Variants in ATAD3B observed in about 807,000 individuals in gnomAD.
ATAD3B encodes ATPase family AAA domain-containing protein 3B.
A neutral mutation model predicts 70.2 loss-of-function variants in ATAD3B; 59 were observed. The observed-to-expected ratio is 0.84, with a 90% CI of 0.68 to 1.04. ATAD3B has a LOEUF of 1.04. Ranked by LOEUF, ATAD3B falls within the 50% of genes least tolerant of loss-of-function variation. The pLI is 0.00. For synonymous variants in ATAD3B, 423 were observed against 388.6 expected (o/e 1.09, Z -1.04); for missense variants, 961 against 913.4 (o/e 1.05, Z -0.67).
the ATAD3B span, among the ~76,000 whole-genome samples, chr1:1,503,823 G>A: frequency 4.6e-5 from 7 of 152,018 alleles, no homozygotes; most frequent in Non-Finnish European, 1.5e-5. Flanking sequence ...AGGAAACAAG[G>A]GGAGGTGAGA....
rs1570243478 is a variant in ATAD3B, at chr1:1,485,265, C to A, written c.906+94C>A. ...GCCCACGCACACCCTCCCGTCCCTT[C>A]CCTTTCCCCGGATAACAGGCACCCG... On this transcript the variant is annotated intron_variant, in intron 8 of 15. Coordinates refer to ENST00000673477, the MANE Select transcript of ATAD3B (RefSeq NM_031921.6). 5.2e-6 allele frequency: 8 copies of A among 1,529,718 alleles called. No individual in the cohort carries two copies. In the East Asian group the frequency reaches 7.0e-5, roughly 13 times the overall value. 94.8% of individuals were successfully genotyped at this position (1,529,718 alleles called of 1,614,324 possible).
At chr1:1,501,396 A>G (rs1035008705), downstream of ATAD3B, among the ~76,000 whole-genome samples, 3 of 152,056 alleles carry the variant, frequency 2.0e-5, no homozygotes, top group Admixed American at 6.5e-5. Flanking sequence ...CTGGGACTAC[A>G]GGCGCCTGCC....
chr1:1,474,211 T>C (rs1470691362), intron 1 of ATAD3B, among the ~76,000 whole-genome samples: 1 of 151,594 alleles, frequency 6.6e-6, no homozygotes, highest in Non-Finnish European at 1.5e-5. Flanking sequence ...CTTTTTTTTT[T>C]TGACGGAGTC....
At chr1:1,480,791 G>T (rs1639870302) in intron 4 of ATAD3B, 76 bp from the exon 5 acceptor site, 3 of 1,585,262 alleles carry the variant, frequency 1.9e-6, no homozygotes, top group Non-Finnish European at 1.7e-6. Context: ...TCCTGGGGCG[G>T]ACGCAACCTC....
In ATAD3B at chr1:1,490,380, G is replaced by A. The variant is rs1201542212; in HGVS notation, c.1461G>A (p.Leu487=). The A allele has an allele frequency of 6.2e-7, 1 of 1,613,474 alleles. No homozygotes were observed. Among genetic ancestry groups the A allele is most frequent in the Non-Finnish European group, 8.5e-7 (1 of 1,179,672 alleles). The stretch of plus-strand genomic sequence containing the variant: ...AGGAGCGGGAGCGCCTGGTGAGACT[G>A]CATTTTGACAACTGTGTTCTTAAGC... ...QQEERERLVR[L]HFDNCVLKPA... The change falls in exon 14 of 16, where the codon CTG becomes CTA. Residue 487 remains leucine (L), a synonymous_variant. Coordinates refer to ENST00000673477, the MANE Select transcript of ATAD3B (RefSeq NM_031921.6).
In ATAD3B at chr1:1,471,954, C is replaced by T. The variant is rs1175535241; in HGVS notation, c.70C>T (p.Pro24Ser). ...CGCGGGGCCGCCGCCGCCTTTGCCG[C>T]CCGCGCAGCCCGGGGCCGAGGGCGG... Reference protein sequence around the residue: ...EGAGPPPPLPPAQPGAEGGGD... With the variant: ...EGAGPPPPLPSAQPGAEGGGD... The change falls in exon 1 of 16, where the codon CCC becomes TCC. Residue 24 changes from proline (P) to serine (S), a missense_variant. Physicochemically the swap from Pro to Ser is moderately conservative, Grantham distance 74. Around this residue, in one of 4 missense-constraint regions of ATAD3B, gnomAD observed 187 missense variants for 244.3 expected, o/e 0.77. Coordinates refer to ENST00000673477, the MANE Select transcript of ATAD3B (RefSeq NM_031921.6). 3.2e-6 allele frequency: 4 copies of T among 1,238,754 alleles called. No homozygotes were observed. The highest frequency in any genetic ancestry group is 8.6e-5 in the Admixed American group (2 of 23,238). 76.7% of individuals were successfully genotyped at this position (1,238,754 alleles called of 1,614,324 possible).
Position 1,496,208 on chromosome 1 carries a change from G to T in ATAD3B, c.*391G>T. ...AAAGTCCCACAGGTGCCTCACCGCC[G>T]TGTCTCTCTATTGACTGACACTGCT... On this transcript the variant is annotated 3_prime_UTR_variant, in exon 16 of 16. Coordinates refer to ENST00000673477, the MANE Select transcript of ATAD3B (RefSeq NM_031921.6). 3.0e-6 allele frequency: 3 copies of T among 1,014,214 alleles called. No homozygotes were observed. The highest frequency in any genetic ancestry group is 3.5e-6 in the Non-Finnish European group (3 of 848,402). 62.8% of individuals were successfully genotyped at this position (1,014,214 alleles called of 1,614,324 possible).
chr1:1,480,981 G>T (rs763460411), intron 5 of ATAD3B, 45 bp downstream of exon 5: 1 of 1,580,940 alleles, frequency 6.3e-7, no homozygotes, highest in Non-Finnish European at 8.6e-7. Context: ...GGCGGGGGCT[G>T]CTTGTGGATC....
chr1:1,485,411 G>A (rs1239557872), intron 8 of ATAD3B, among the ~76,000 whole-genome samples: 1 of 152,042 alleles, frequency 6.6e-6, no homozygotes, highest in Admixed American at 6.6e-5. Flanking sequence ...GGGCCTGGGA[G>A]CACATCGGGG....
rs559888368 is a variant in ATAD3B at position 1,475,144 on chromosome 1, C to G, written c.206-2130C>G. On this transcript the variant is annotated intron_variant, in intron 1 of 15. Transcript: ENST00000673477. The stretch of plus-strand genomic sequence containing the variant: ...GCTCCTGACCCGCAGTCCGCTCTGC[C>G]GGCGTTGCCAGTGCCTTGGTCTGCC... Among the ~76,000 whole-genome samples, 37 of 149,244 alleles carry G rather than the reference C, an allele frequency of 2.5e-4. No homozygotes were observed. The South Asian group carries it at 6.2e-3, about 25-fold the overall frequency.
intron 6 of ATAD3B, 87 bp from the exon 7 acceptor site, chr1:1,482,458 C>T: frequency 6.2e-7 from 1 of 1,607,780 alleles, no homozygotes; most frequent in Non-Finnish European, 8.5e-7. Context: ...GCCGTGCCGC[C>T]ATGTCAGGGC....
At chr1:1,482,779 TTGAGC>T (rs1383986254) in intron 7 of ATAD3B, 165 bp downstream of exon 7, 1 of 1,144,708 alleles carries the variant, frequency 8.7e-7, no homozygotes, top group Non-Finnish European at 1.3e-6. Context: ...TCCTCCCTCC[TTGAGC>T]TGGGAGAAAA....
intron 1 of ATAD3B, among the ~76,000 whole-genome samples, chr1:1,475,144 C>T (rs559888368): frequency 4.0e-5 from 6 of 149,244 alleles, no homozygotes; most frequent in African/African-American, 1.0e-4. Flanking sequence ...TCCGCTCTGC[C>T]GGCGTTGCCA....
At position 1,495,921 on chromosome 1, in the gene ATAD3B, A is replaced by G; in HGVS notation, c.*104A>G. 1 of 1,433,360 alleles carries G rather than the reference A, an allele frequency of 7.0e-7. No individual in the cohort carries two copies. Among genetic ancestry groups the G allele is most frequent in the Non-Finnish European group, 9.1e-7 (1 of 1,097,064 alleles). 88.8% of individuals were successfully genotyped at this position (1,433,360 alleles called of 1,614,324 possible). On this transcript the variant is annotated 3_prime_UTR_variant, in exon 16 of 16. Transcript: ENST00000673477. ...GGGGGAGGGTGAGGCTTTGTACCCC[A>G]GCCCCTGCCCAGGCCACTGTGAGGG...
chr1:1,504,949 T>TGTGCGC, the ATAD3B span, among the ~76,000 whole-genome samples: 1 of 150,690 alleles, frequency 6.6e-6, no homozygotes, highest in South Asian at 2.1e-4. Context: ...TGTGTGTGTG[T>TGTGCGC]GCGCGCCAGG....
chr1:1,485,796 C>T lies in ATAD3B; in HGVS notation c.921C>T (p.Leu307=), dbSNP rs775711044. The T allele has an allele frequency of 8.1e-6, 13 of 1,612,954 alleles. No homozygotes were observed. In the East Asian group the frequency reaches 1.3e-4, roughly 17 times the overall value. The change falls in exon 9 of 16, where the codon CTC becomes CTT. Residue 307 remains leucine, a synonymous_variant. Coordinates refer to ENST00000673477, the MANE Select transcript of ATAD3B (RefSeq NM_031921.6). ...CCCTCCGGCAGGTCAGCCGGCGGCT[C>T]CTCAGTCGACCCCAGGACGTGCTGG... ...LRHPIQVSRR[L]LSRPQDVLEG...
chr1:1,497,198 C>A lies in ATAD3B; in HGVS notation c.*1381C>A, dbSNP rs1477996408. ...CTCCATTTCTCTCTCTACCTCTGCT[C>A]GCTCTCTCCATTTCTCTCTTTTTCC... On this transcript the variant is annotated 3_prime_UTR_variant, in exon 16 of 16. Coordinates refer to ENST00000673477, the MANE Select transcript of ATAD3B (RefSeq NM_031921.6). 1 of 151,206 alleles carries A rather than the reference C, an allele frequency of 6.6e-6. No homozygotes were observed. Among genetic ancestry groups the A allele is most frequent in the Admixed American group, 6.6e-5 (1 of 15,152 alleles). 9.4% of individuals were successfully genotyped at this position (151,206 alleles called of 1,614,324 possible).
rs777399500 is a variant in ATAD3B, at chr1:1,486,525, CCTCA to C, written c.1090-15_1090-12del. On this transcript the variant is annotated splice_polypyrimidine_tract_variant and intron_variant, in intron 10 of 15. Transcript: ENST00000673477. ...CAGAGGGAACATCTGTTCTGTCTCC[CCTCA>C]CTCTTCTTGTCCAGAAACTCGCCCT... is the stretch of plus-strand genomic sequence containing the variant. 1 of 1,611,916 alleles carries C rather than the reference CCTCA, an allele frequency of 6.2e-7. No homozygotes were observed. The highest frequency in any genetic ancestry group is 1.4e-5 in the African/African-American group (1 of 73,834).
At position 1,490,805 on chromosome 1, in the gene ATAD3B, C is replaced by G. The variant is rs1022721922; in HGVS notation, c.1614+134C>G. On this transcript the variant is annotated intron_variant, in intron 15 of 15. Transcript: ENST00000673477. Reference sequence around the variant, plus strand: ...AGGGGTTTTCAGTGCACAGACGTGACACAGGGCCCCCTGCCTCAGTCGGGC... The same window carrying G: ...AGGGGTTTTCAGTGCACAGACGTGAGACAGGGCCCCCTGCCTCAGTCGGGC... 2.0e-6 allele frequency: 3 copies of G among 1,472,408 alleles called. No homozygotes were observed. In the African/African-American group the frequency reaches 4.2e-5, roughly 21 times the overall value. The allele number at this position is 1,472,408 out of a possible 1,614,324, so 91.2% of individuals were successfully genotyped here. A position where few individuals can be genotyped will look rare whatever the true frequency, so the allele number is the denominator to read the frequency against.
Sources: allele counts gnomAD v4.1 joint callset (sites outside exome capture counted in the v4.1 genomes callset), GRCh38; gene constraint gnomAD v4.1.1; regional missense constraint gnomAD v4.1.1; transcripts MANE v1.5; gene names NCBI Gene and HGNC (gene_info 2026-07-23, HGNC 2026-07-21).